ADGRG4: variants seen among roughly 807,000 people sequenced by gnomAD.
ADGRG4 encodes G protein-coupled receptor 112.
Under a neutral mutation model 126.2 loss-of-function variants are expected in ADGRG4, and 122 were observed. The ratio of observed to expected loss-of-function variants is 0.97; its 90% CI spans 0.83 to 1.12. The LOEUF is 1.12. Ranked by LOEUF, ADGRG4 falls within the 50% of genes most tolerant of loss-of-function variation. The pLI is 0.00. For missense variants in ADGRG4, 2,481 were observed against 2,251.8 expected (o/e 1.10, Z -2.06); for synonymous variants, 943 against 838.7 (o/e 1.12, Z -2.15).
chrX:136,345,049 G>A lies in ADGRG4; in HGVS notation c.1343G>A (p.Trp448Ter), dbSNP rs771623890. 8 of 1,210,149 alleles carry A rather than the reference G, an allele frequency of 6.6e-6. No individual in the cohort carries two copies. In the Admixed American group the frequency reaches 1.3e-4, roughly 20 times the overall value. ...TCTACAGCTGCCGGAACTGTACCTT[G>A]GTTTACAGTGGAAAAGACTTCACCT... is the stretch of plus-strand genomic sequence containing the variant. Reference protein sequence around the residue: ...IESTAAGTVPWFTVEKTSPAS... With the variant: ...IESTAAGTVP The change falls in exon 6 of 26, where the codon TGG becomes TAG. Residue 448 changes from tryptophan to a stop codon, truncating the protein, a stop_gained. Transcript: ENST00000394143. LOFTEE classifies it high-confidence loss of function.
At chrX:136,359,152 T>C in intron 10 of ADGRG4, 140 bp from the exon 11 acceptor site, 1 of 500,118 alleles carries the variant, frequency 2.0e-6, no homozygotes, top group African/African-American at 2.4e-5. Context: ...CTTCTTAAGA[T>C]TGGCTGCTTA....
At chrX:136,328,545 GA>G (rs2074889063) in intron 5 of ADGRG4, among the ~76,000 whole-genome samples, 1 of 109,903 alleles carries the variant, frequency 9.1e-6, no homozygotes. Context: ...GAAATAACCT[GA>G]ACTGAGTTCA....
rs41310743 is a variant in ADGRG4 at position 136,347,728 on chromosome X, C to T, written c.4022C>T (p.Pro1341Leu). ...SPTSGSTQITPTLTSSNTVGV... is the reference protein window; with the variant it reads ...SPTSGSTQITLTLTSSNTVGV... Reference sequence around the variant, plus strand: ...ACTTCTGGAAGCACACAGATTACACCAACCTTGACCTCAAGTAACACAGTA... The same window carrying T: ...ACTTCTGGAAGCACACAGATTACACTAACCTTGACCTCAAGTAACACAGTA... The change falls in exon 6 of 26, where the codon CCA becomes CTA. Residue 1341 changes from proline to leucine, a missense_variant. Pro to Leu is a moderately conservative substitution (Grantham distance 98, BLOSUM62 -3). Transcript: ENST00000394143. 5.5e-5 allele frequency: 67 copies of T among 1,208,583 alleles called. No individual in the cohort carries two copies. The highest frequency in any genetic ancestry group is 7.4e-5 in the Non-Finnish European group (66 of 894,007).
At chrX:136,384,958 C>T (rs1223450117) in intron 15 of ADGRG4, among the ~76,000 whole-genome samples, 1 of 110,486 alleles carries the variant, frequency 9.1e-6, no homozygotes, top group African/African-American at 3.3e-5. Flanking sequence ...TAAATTTATA[C>T]CTTTTACTGA....
chrX:136,360,463 C>T (rs1181412242), intron 11 of ADGRG4, among the ~76,000 whole-genome samples: 1 of 111,727 alleles, frequency 9.0e-6, no homozygotes, highest in African/African-American at 3.3e-5. Context: ...GAGCCCTAGA[C>T]TGTGTGCAGT....
At chrX:136,411,648 C>T (rs1206751172) in intron 23 of ADGRG4, among the ~76,000 whole-genome samples, 1 of 112,726 alleles carries the variant, frequency 8.9e-6, no homozygotes, top group Non-Finnish European at 1.9e-5. Context: ...TCAGGGGCAG[C>T]TTAGCTGGGT....
At chrX:136,398,787 A>G (rs1431865318) in intron 20 of ADGRG4, among the ~76,000 whole-genome samples, 1 of 111,926 alleles carries the variant, frequency 8.9e-6, no homozygotes, top group Non-Finnish European at 1.9e-5. Context: ...TATATACTCA[A>G]GACAAATGAG....
intron 5 of ADGRG4, among the ~76,000 whole-genome samples, chrX:136,328,805 A>G (rs756937086): frequency 1.8e-5 from 2 of 111,983 alleles, no homozygotes; most frequent in East Asian, 2.8e-4. Flanking sequence ...GATGGGCTCT[A>G]CTAGCTAAAA....
intron 4 of ADGRG4, among the ~76,000 whole-genome samples, chrX:136,321,780 C>T (rs1383079802): frequency 8.9e-6 from 1 of 112,011 alleles, no homozygotes; most frequent in African/African-American, 3.2e-5. Flanking sequence ...GAACTACTTA[C>T]CAAAAGACCG....
Position 136,304,858 on chromosome X carries a change from G to T in ADGRG4, c.-175G>T, listed in dbSNP as rs1395393683. 8.9e-6 allele frequency: 1 copy of T among 112,372 alleles called. No homozygotes were observed. Among genetic ancestry groups the T allele is most frequent in the Non-Finnish European group, 1.9e-5 (1 of 53,289 alleles). 9.3% of individuals were successfully genotyped at this position (112,372 alleles called of 1,213,427 possible). ...ATGGCTCCACATCTTCTTGTAGGCT[G>T]TGTGACCCCACGTTGGGGACAGGTC... On this transcript the variant is annotated 5_prime_UTR_variant, in exon 3 of 26. Coordinates refer to ENST00000394143, the MANE Select transcript of ADGRG4 (RefSeq NM_153834.4).
chrX:136,361,522 C>G lies in ADGRG4; in HGVS notation c.7212C>G (p.Thr2404=). 1.7e-6 allele frequency: 2 copies of G among 1,188,415 alleles called. No homozygotes were observed. The highest frequency in any genetic ancestry group is 2.3e-6 in the Non-Finnish European group (2 of 880,855). Residue 2404 remains threonine (T), a synonymous_variant, in exon 12 of 26, where the codon ACC becomes ACG. Transcript: ENST00000394143. ...KYKGTYKWLL[T]NPTETAQTRC... is the part of the protein sequence containing the mutation. ...AAGGGACCTATAAGTGGCTATTAAC[C>G]AACCCTACGGAGACAGCCCAAACCA...
At position 136,349,552 on chromosome X, in the gene ADGRG4, A is replaced by G. The variant is rs776930770; in HGVS notation, c.5846A>G (p.His1949Arg). ...CCTATGTCAGGAATTCTTCCTAACCATGGGCTTTCTGAGAACCCTTCATTA... is the reference window on the plus strand; with the variant it reads ...CCTATGTCAGGAATTCTTCCTAACCGTGGGCTTTCTGAGAACCCTTCATTA... Reference protein sequence around the residue: ...SIPMSGILPNHGLSENPSLST... With the variant: ...SIPMSGILPNRGLSENPSLST... The change falls in exon 6 of 26, where the codon CAT becomes CGT. Residue 1949 changes from histidine to arginine, a missense_variant. Physicochemically the swap from His to Arg is conservative, Grantham distance 29. Transcript: ENST00000394143. 2 of 1,209,638 alleles carry G rather than the reference A, an allele frequency of 1.7e-6. No individual in the cohort carries two copies. Among genetic ancestry groups the G allele is most frequent in the East Asian group, 3.0e-5 (1 of 33,807 alleles).
intron 15 of ADGRG4, among the ~76,000 whole-genome samples, chrX:136,377,189 T>TTTG (rs1341575276): frequency 3.3e-5 from 3 of 90,922 alleles, no homozygotes; most frequent in Non-Finnish European, 4.2e-5. Flanking sequence ...TTTTTTTTTT[T>TTTG]TTGTTGTTGT....
At chrX:136,323,415 T>C in intron 5 of ADGRG4, 23 bp downstream of exon 5, 1 of 1,179,503 alleles carries the variant, frequency 8.5e-7, no homozygotes, top group Non-Finnish European at 1.1e-6. Context: ...ACAACTTTTT[T>C]CCTTAGCAAG....
chrX:136,384,834 C>A (rs1185567342), intron 15 of ADGRG4, among the ~76,000 whole-genome samples: 1 of 110,709 alleles, frequency 9.0e-6, no homozygotes, highest in Non-Finnish European at 1.9e-5. Flanking sequence ...TAATTTTTCT[C>A]TGGCTTTTTA....
intron 7 of ADGRG4, among the ~76,000 whole-genome samples, chrX:136,352,284 A>G (rs1298098602): frequency 2.7e-5 from 3 of 111,473 alleles, no homozygotes; most frequent in Admixed American, 9.5e-5. Flanking sequence ...TAACAGATGC[A>G]TAGGGTTTCA....
intron 21 of ADGRG4, 138 bp downstream of exon 21, chrX:136,400,254 T>A: frequency 2.0e-6 from 1 of 502,433 alleles, no homozygotes; most frequent in Non-Finnish European, 3.3e-6. Context: ...ATCTTTTTTT[T>A]CTGCCTGTAT....
chrX:136,350,505 T>C (rs2075055487), intron 6 of ADGRG4, 72 bp downstream of exon 6: 1 of 1,034,690 alleles, frequency 9.7e-7, no homozygotes, highest in South Asian at 2.2e-5. Context: ...TTCTCCAAAG[T>C]GGCCCGTTCT....
chrX:136,330,965 T>C (rs1287403067), intron 5 of ADGRG4, among the ~76,000 whole-genome samples: 1 of 110,821 alleles, frequency 9.0e-6, no homozygotes, highest in Non-Finnish European at 1.9e-5. Flanking sequence ...TTGTTCACAT[T>C]AATCCCCTCC....
Sources: gnomAD v4.1 joint callset for allele counts (sites outside exome capture counted in the v4.1 genomes callset) on GRCh38, gnomAD v4.1.1 for gene constraint, MANE v1.5 for transcripts, NCBI Gene and HGNC (gene_info 2026-07-23, HGNC 2026-07-21) for gene names.